The following SYBU variants were observed in gnomAD, a reference collection of about 807,000 sequenced individuals.
SYBU encodes syntabulin, also known as GOLSYN A protein.
In SYBU, 21 loss-of-function variants were observed where a neutral mutation model predicts 35.9. The observed-to-expected ratio is 0.58, with a 90% CI of 0.41 to 0.84. SYBU has a LOEUF of 0.84. Among genes scored for constraint, SYBU ranks in the 40% least tolerant of loss-of-function variants. SYBU has a pLI of 0.00. For missense variants in SYBU, 768 were observed against 848.2 expected (o/e 0.91, Z 1.17); for synonymous variants, 319 against 324.3 (o/e 0.98, Z 0.18).
At chr8:109,626,882 C>T (rs1366519489) in intron 2 of SYBU, among the ~76,000 whole-genome samples, 1 of 152,190 alleles carries the variant, frequency 6.6e-6, no homozygotes, top group Non-Finnish European at 1.5e-5. Context: ...AATCTTCTTA[C>T]ACCGATTACA....
intron 2 of SYBU, among the ~76,000 whole-genome samples, chr8:109,623,171 G>C (rs1812627143): frequency 6.6e-6 from 1 of 152,288 alleles, no homozygotes; most frequent in East Asian, 1.9e-4. Context: ...TGATCCACTT[G>C]AAAATATGGG....
At chr8:109,598,579 T>G (rs773738823) in intron 3 of SYBU, among the ~76,000 whole-genome samples, 1 of 152,058 alleles carries the variant, frequency 6.6e-6, no homozygotes, top group Admixed American at 6.6e-5. Context: ...CAGTAAATAC[T>G]CATCATCATC....
At chr8:109,606,700 A>G (rs1221664279) in intron 3 of SYBU, among the ~76,000 whole-genome samples, 1 of 152,084 alleles carries the variant, frequency 6.6e-6, no homozygotes, top group Non-Finnish European at 1.5e-5. Flanking sequence ...TTAATCACCT[A>G]AAGTTTGACC....
At chr8:109,607,418 G>T (rs1286486445) in intron 3 of SYBU, among the ~76,000 whole-genome samples, 2 of 152,104 alleles carry the variant, frequency 1.3e-5, no homozygotes, top group African/African-American at 4.8e-5. Flanking sequence ...ACACGAACAG[G>T]CTCTCTCTTG....
chr8:109,644,026 C>T (rs1284677517), intron 1 of SYBU: 1 of 449,586 alleles, frequency 2.2e-6, no homozygotes, highest in Non-Finnish European at 4.5e-6. Flanking sequence ...CGAAACATGA[C>T]CTACTGTTCC....
At chr8:109,642,517 T>A (rs1481502083) in intron 2 of SYBU, among the ~76,000 whole-genome samples, 1 of 152,190 alleles carries the variant, frequency 6.6e-6, no homozygotes, top group African/African-American at 2.4e-5. Context: ...GAATAACATA[T>A]GAAAATTCAG....
At chr8:109,582,537 A>T (rs1823155415) in intron 4 of SYBU, among the ~76,000 whole-genome samples, 1 of 152,132 alleles carries the variant, frequency 6.6e-6, no homozygotes, top group South Asian at 2.1e-4. Flanking sequence ...CCTTCTACAA[A>T]CCTGAATACG....
chr8:109,683,661 A>G (rs1453232509), upstream of SYBU, among the ~76,000 whole-genome samples: 1 of 152,092 alleles, frequency 6.6e-6, no homozygotes, highest in Non-Finnish European at 1.5e-5. Context: ...TTGAAATATG[A>G]GGACATGAGA....
rs201181590 is a variant in SYBU, at chr8:109,579,972, A to T, written c.561T>A (p.Ala187=). Residue 187 remains alanine, a synonymous_variant, in exon 5 of 7, where the codon GCT becomes GCA. Coordinates refer to ENST00000276646, the MANE Select transcript of SYBU (RefSeq NM_001099754.2). ...NRGPHGRSNG[A]SSHKPGSSPS... is the part of the protein sequence containing the mutation. The stretch of plus-strand genomic sequence containing the variant: ...GGCTGCTGCCAGGCTTGTGTGACGA[A>T]GCTCCATTACTCCGCCCATGAGGAC... The T allele has an allele frequency of 6.2e-7, 1 of 1,613,274 alleles. No homozygotes were observed. Among genetic ancestry groups the T allele is most frequent in the African/African-American group, 1.3e-5 (1 of 75,008 alleles).
rs977562392 is a variant in SYBU, at chr8:109,584,103, G to A, written c.530+1957C>T. ...AAAAGTGCTGGGATTATAGGCATGAGCCACTGTGCATGGCTGAGATTTTTA... is the reference window on the plus strand; with the variant it reads ...AAAAGTGCTGGGATTATAGGCATGAACCACTGTGCATGGCTGAGATTTTTA... On this transcript the variant is annotated intron_variant, in intron 4 of 6. Coordinates refer to ENST00000276646, the MANE Select transcript of SYBU (RefSeq NM_001099754.2). This position sits in a 1 kb window ranked among gnomAD's most constrained non-coding sequence, Gnocchi z 4.0. Among the ~76,000 whole-genome samples the A allele has an allele frequency of 6.6e-6, 1 of 152,068 alleles. No homozygotes were observed. Among genetic ancestry groups the A allele is most frequent in the Non-Finnish European group, 1.5e-5 (1 of 68,026 alleles).
intron 6 of SYBU, among the ~76,000 whole-genome samples, 171 bp downstream of exon 6, chr8:109,577,697 A>T (rs967678029): frequency 6.6e-6 from 1 of 152,212 alleles, no homozygotes; most frequent in East Asian, 1.9e-4. Flanking sequence ...TGAAACAGCC[A>T]TATCACACAG....
chr8:109,591,130 C>T (rs1250173555), intron 3 of SYBU, among the ~76,000 whole-genome samples: 2 of 152,128 alleles, frequency 1.3e-5, no homozygotes, highest in African/African-American at 4.8e-5. Context: ...AGAGAATACT[C>T]CGCCATCGTG....
At chr8:109,688,535 G>A (rs1351664148) in intron 1 of SYBU, among the ~76,000 whole-genome samples, 1 of 152,124 alleles carries the variant, frequency 6.6e-6, no homozygotes, top group Non-Finnish European at 1.5e-5. Context: ...ATGTTGGTGA[G>A]GGTGGCTCTG....
At chr8:109,614,544 G>T (rs902706904) in intron 3 of SYBU, among the ~76,000 whole-genome samples, 5 of 152,176 alleles carry the variant, frequency 3.3e-5, no homozygotes, top group African/African-American at 4.8e-5. Flanking sequence ...CTAAAAGCAG[G>T]GATGCTGTGG....
At chr8:109,588,486 C>A (rs751792352) in intron 3 of SYBU, among the ~76,000 whole-genome samples, 2 of 152,172 alleles carry the variant, frequency 1.3e-5, no homozygotes, top group Non-Finnish European at 2.9e-5. Flanking sequence ...CAGCTGCATT[C>A]AGGCCTATTT....
upstream of SYBU, chr8:109,647,997 T>C (rs1310823734): frequency 6.6e-6 from 1 of 152,204 alleles, no homozygotes; most frequent in Non-Finnish European, 1.5e-5. Context: ...TCTCATGTCA[T>C]TAGAAGAAAT....
chr8:109,613,031 A>G (rs1049508662), intron 3 of SYBU, among the ~76,000 whole-genome samples: 2 of 151,798 alleles, frequency 1.3e-5, no homozygotes, highest in African/African-American at 2.4e-5. Context: ...AGAAAGGAAA[A>G]AAAGCACCAC....
chr8:109,608,663 G>A (rs1423337368), intron 3 of SYBU, among the ~76,000 whole-genome samples: 2 of 152,194 alleles, frequency 1.3e-5, no homozygotes, highest in African/African-American at 4.8e-5. Context: ...GTCTTACTAA[G>A]AAGGCATCTG....
intron 1 of SYBU, among the ~76,000 whole-genome samples, chr8:109,656,447 T>C (rs1166632090): frequency 6.6e-6 from 1 of 152,218 alleles, no homozygotes; most frequent in Non-Finnish European, 1.5e-5. Context: ...AAATATAGAA[T>C]TAAGAATCTT....
Sources: gnomAD v4.1 joint callset for allele counts (sites outside exome capture counted in the v4.1 genomes callset) on GRCh38, gnomAD v4.1.1 for gene constraint, Gnocchi (gnomAD v3.1) non-coding constraint, MANE v1.5 for transcripts, NCBI Gene and HGNC (gene_info 2026-07-23, HGNC 2026-07-21) for gene names.